Variants in RANBP2 observed in about 807,000 individuals in gnomAD.
The protein encoded by RANBP2 is RAN binding protein 2, also known as E3 SUMO-protein ligase RanBP2.
In RANBP2, 57 loss-of-function variants were observed where a neutral mutation model predicts 303.6. The ratio of observed to expected loss-of-function variants is 0.19; its 90% confidence interval spans 0.15 to 0.23. The LOEUF (loss-of-function observed/expected upper bound fraction) is 0.23. Among genes scored for constraint, RANBP2 ranks in the 10% least tolerant of loss-of-function variants. RANBP2 has a pLI of 1.00. For missense variants in RANBP2, 3,138 were observed against 3,780.8 expected (o/e 0.83, Z 4.46); for synonymous variants, 1,167 against 1,301.5 (o/e 0.90, Z 2.23).
At chr2:109,197,990 T>G in the RANBP2 span, among the ~76,000 whole-genome samples, 9 of 152,228 alleles carry the variant, frequency 5.9e-5, no homozygotes, top group Admixed American at 5.2e-4. Flanking sequence ...TTGAGGTTTT[T>G]CACAGAGTTG....
At chr2:109,393,469 T>C in the RANBP2 span, among the ~76,000 whole-genome samples, 2 of 152,324 alleles carry the variant, frequency 1.3e-5, no homozygotes, top group African/African-American at 4.8e-5. Context: ...GGTCGTTCAG[T>C]GCACACTGAA....
the RANBP2 span, among the ~76,000 whole-genome samples, chr2:109,403,107 A>G: frequency 2.9e-4 from 43 of 150,360 alleles, no homozygotes; most frequent in African/African-American, 9.8e-4. Context: ...TAAAATAGAA[A>G]GGAAGCGTGC....
At chr2:109,477,982 C>G in the RANBP2 span, among the ~76,000 whole-genome samples, 1 of 152,176 alleles carries the variant, frequency 6.6e-6, no homozygotes, top group Non-Finnish European at 1.5e-5. Context: ...CAAGGGCCTC[C>G]TCCTCACCTC....
At chr2:109,101,249 G>A in the RANBP2 span, among the ~76,000 whole-genome samples, 7 of 152,100 alleles carry the variant, frequency 4.6e-5, no homozygotes, top group Admixed American at 2.0e-4. Context: ...ATAGTGGGCC[G>A]GGCGTGGTAG....
chr2:108,830,330 T>C, the RANBP2 span, among the ~76,000 whole-genome samples: 1 of 152,204 alleles, frequency 6.6e-6, no homozygotes, highest in Non-Finnish European at 1.5e-5. Context: ...TGGGGATGGA[T>C]AGTGATGATG....
Position 108,719,645 on chromosome 2 carries a change from C to T in RANBP2, c.39C>T (p.Ala13=). 3.7e-6 allele frequency: 6 copies of T among 1,608,156 alleles called. No homozygotes were observed. Among genetic ancestry groups the T allele is most frequent in the Non-Finnish European group, 5.1e-6 (6 of 1,178,362 alleles). The change falls in exon 1 of 29, where the codon GCC becomes GCT. Residue 13 remains alanine, a synonymous_variant. Coordinates refer to ENST00000283195, the MANE Select transcript of RANBP2 (RefSeq NM_006267.5). ...AGGCTGACGTGGAGCGGTACATCGC[C>T]TCGGTGCAGGGCTCCACCCCGTCGC... ...RSKADVERYI[A]SVQGSTPSPR...
At chr2:109,039,093 A>G in the RANBP2 span, among the ~76,000 whole-genome samples, 2 of 152,164 alleles carry the variant, frequency 1.3e-5, no homozygotes, top group African/African-American at 4.8e-5. Flanking sequence ...AGGCAAGCAG[A>G]ATCCAATCCA....
the RANBP2 span, among the ~76,000 whole-genome samples, chr2:109,490,045 G>A: frequency 6.6e-6 from 1 of 152,148 alleles, no homozygotes; most frequent in Non-Finnish European, 1.5e-5. Flanking sequence ...GCCTGGATGA[G>A]CTCTTGGTCT....
the RANBP2 span, among the ~76,000 whole-genome samples, chr2:108,861,583 C>T: frequency 1.0e-4 from 15 of 149,060 alleles, no homozygotes; most frequent in African/African-American, 2.8e-4. Flanking sequence ...TGGGTTCAAG[C>T]GATTCTTCTG....
At chr2:109,376,370 CG>C in the RANBP2 span, among the ~76,000 whole-genome samples, 1 of 152,140 alleles carries the variant, frequency 6.6e-6, no homozygotes, top group Admixed American at 6.5e-5. Flanking sequence ...GGAATCAGCT[CG>C]GGTTGGAGAG....
At chr2:108,783,166 C>A (rs1362242491) in intron 28 of RANBP2, among the ~76,000 whole-genome samples, 1 of 151,326 alleles carries the variant, frequency 6.6e-6, no homozygotes, top group Non-Finnish European at 1.5e-5. Flanking sequence ...TGGCAAAAAT[C>A]TCGTCTGGAC....
chr2:109,682,749 G>A, the RANBP2 span, among the ~76,000 whole-genome samples: 1 of 152,054 alleles, frequency 6.6e-6, no homozygotes, highest in Non-Finnish European at 1.5e-5. Flanking sequence ...AGACCAACCC[G>A]GGCAACATGG....
the RANBP2 span, among the ~76,000 whole-genome samples, chr2:109,472,259 G>A: frequency 6.6e-6 from 1 of 152,110 alleles, no homozygotes; most frequent in Non-Finnish European, 1.5e-5. Context: ...CACCTGGCCA[G>A]GGTCTGGGCT....
chr2:109,082,913 C>T, the RANBP2 span, among the ~76,000 whole-genome samples: 78,621 of 150,768 alleles, frequency 0.52, 21,937 homozygotes, highest in South Asian at 0.66. Context: ...GCAAGCTCCG[C>T]CTCCTGGGTT....
chr2:108,835,143 A>T, the RANBP2 span, among the ~76,000 whole-genome samples: 2 of 152,246 alleles, frequency 1.3e-5, no homozygotes, highest in African/African-American at 4.8e-5. Context: ...ACAACAAAGG[A>T]AGTTTATGCA....
At chr2:108,988,809 G>C in the RANBP2 span, among the ~76,000 whole-genome samples, 10 of 152,198 alleles carry the variant, frequency 6.6e-5, no homozygotes, top group Non-Finnish European at 1.2e-4. Flanking sequence ...TGGTAGCGCA[G>C]ACATACTGCA....
chr2:109,427,297 T>TA, the RANBP2 span, among the ~76,000 whole-genome samples: 1 of 151,322 alleles, frequency 6.6e-6, no homozygotes, highest in African/African-American at 2.5e-5. Flanking sequence ...TTAAGGTACT[T>TA]ACATTTTTTT....
At chr2:108,911,002 G>A in the RANBP2 span, 7 of 1,613,996 alleles carry the variant, frequency 4.3e-6, no homozygotes, top group East Asian at 4.5e-5. Context: ...GGACGATGGC[G>A]ATGGCCATGA....
intron 22 of RANBP2, 106 bp downstream of exon 22, chr2:108,772,687 T>A: frequency 7.8e-7 from 1 of 1,287,664 alleles, no homozygotes; most frequent in Admixed American, 2.3e-5. Flanking sequence ...ACGATGCCCA[T>A]GGTGATTTAA....
Sources: allele counts gnomAD v4.1 joint callset (sites outside exome capture counted in the v4.1 genomes callset), GRCh38; gene constraint gnomAD v4.1.1; transcripts MANE v1.5; gene names NCBI Gene and HGNC (gene_info 2026-07-23, HGNC 2026-07-21).